NIN: variants seen among roughly 807,000 people sequenced by gnomAD.
NIN encodes glycogen synthase kinase 3 beta-interacting protein.
In NIN, 137 loss-of-function variants were observed where a neutral mutation model predicts 257.6. That is an observed-to-expected ratio of 0.53 (90% CI 0.46 to 0.61). NIN has a LOEUF of 0.61. NIN is among the 20% of genes least tolerant of loss of function. The pLI, the probability that NIN is intolerant of heterozygous loss-of-function variation, is 0.00. For missense variants in NIN, 2,439 were observed against 2,501.2 expected, an observed-to-expected ratio of 0.98 and a Z score of 0.53; for synonymous variants, 918 against 919.8, an observed-to-expected ratio of 1.00 and a Z score of 0.04.
chr14:50,756,876 T>C lies in NIN; in HGVS notation c.4154A>G (p.Glu1385Gly). The change falls in exon 18 of 31, where the codon GAG (glutamate) becomes GGG (glycine). Residue 1385 changes from glutamate (E) to glycine (G), a missense_variant. Transcript: ENST00000530997. ...GTACTGGTTTTCTTGCTTACATTCC[T>C]CTATGACATGATGTACACTCCTAAC... ...PRVRSVHHVI[E>G]ECKQENQYLE... The C allele has an allele frequency of 6.4e-7, 1 of 1,553,120 alleles. No individual in the cohort carries two copies. The highest frequency in any genetic ancestry group is 8.7e-7 in the Non-Finnish European group (1 of 1,147,456).
In NIN at chr14:50,752,699, T is replaced by C. The variant is rs1282894829; in HGVS notation, c.4769A>G (p.Asp1590Gly). The change falls in exon 21 of 31, where the codon GAT (aspartate) becomes GGT (glycine). Residue 1590 changes from aspartate (D) to glycine (G), a missense_variant. Physicochemically the swap from Asp to Gly is moderately conservative, Grantham distance 94 (BLOSUM62 -1). Transcript: ENST00000530997. The stretch of plus-strand genomic sequence containing the variant: ...TTGGCTAAGTTCTGTATTTTCCAAA[T>C]CCAATTGTTGGTTTTTGATTTTTAA... ...SELKIKNQQL[D>G]LENTELSQKN... 3 of 1,603,564 alleles carry C rather than the reference T, an allele frequency of 1.9e-6. No individual in the cohort carries two copies. Among genetic ancestry groups the C allele is most frequent in the Admixed American group, 1.7e-5 (1 of 58,968 alleles).
Position 50,757,948 on chromosome 14 carries a change from G to T in NIN, c.3082C>A (p.Pro1028Thr). The T allele has an allele frequency of 6.2e-7, 1 of 1,613,992 alleles. No individual in the cohort carries two copies. Among genetic ancestry groups the T allele is most frequent in the Non-Finnish European group, 8.5e-7 (1 of 1,180,044 alleles). The part of the protein sequence containing the change: ...KIKEMQQATS[P>T]LSMLQSGCQV... ...CAACCACTCTGAAGCATTGAGAGAG[G>T]AGATGTTGCCTGCTGCATTTCCTTT... Residue 1028 changes from proline to threonine, a missense_variant, in exon 18 of 31, where the codon CCT (proline) becomes ACT (threonine). Pro to Thr is a conservative substitution (Grantham distance 38). Coordinates refer to ENST00000530997, the MANE Select transcript of NIN (RefSeq NM_020921.4).
chr14:50,758,172 T>A lies in NIN; in HGVS notation c.2858A>T (p.Glu953Val), dbSNP rs188275661. 20 of 1,614,202 alleles carry A rather than the reference T, an allele frequency of 1.2e-5. No homozygotes were observed. In the East Asian group the frequency reaches 3.6e-4, roughly 29 times the overall value. Residue 953 changes from glutamate (E) to valine (V), a missense_variant, in exon 18 of 31, where the codon GAG (glutamate) becomes GTG (valine). By Grantham distance (121) the Glu-to-Val change is moderately radical. Coordinates refer to ENST00000530997, the MANE Select transcript of NIN (RefSeq NM_020921.4). The stretch of plus-strand genomic sequence containing the variant: ...CGAAGCCCCTGCCTGGCACAGGACC[T>A]CCTCACGCTCCCTCAGTTCCCTTTT... Reference protein sequence around the residue: ...SHKRELREREEVLCQAGASEQ... With the variant: ...SHKRELREREVVLCQAGASEQ...
chr14:50,753,478 C>T (rs1247515613), intron 20 of NIN, among the ~76,000 whole-genome samples: 1 of 152,158 alleles, frequency 6.6e-6, no homozygotes, highest in Non-Finnish European at 1.5e-5. Flanking sequence ...ATAGGATATT[C>T]CATGTAGTAA....
At chr14:50,796,656 A>G (rs1013062378) in intron 4 of NIN, among the ~76,000 whole-genome samples, 10 of 152,170 alleles carry the variant, frequency 6.6e-5, no homozygotes, top group African/African-American at 2.4e-4. Flanking sequence ...AATAAAAAGA[A>G]AGTTAAAATA....
chr14:50,727,055 G>T (rs2040441557), intron 29 of NIN, among the ~76,000 whole-genome samples: 1 of 151,900 alleles, frequency 6.6e-6, no homozygotes, highest in Admixed American at 6.6e-5. Flanking sequence ...AATTGGGCCT[G>T]GAGGACATCT....
At chr14:50,756,417 CA>C in intron 18 of NIN, 74 bp downstream of exon 18, 1 of 1,480,572 alleles carries the variant, frequency 6.8e-7, no homozygotes, top group Non-Finnish European at 9.0e-7. Flanking sequence ...TTTCTCTAGG[CA>C]CGGCAAGCAG....
intron 14 of NIN, among the ~76,000 whole-genome samples, chr14:50,764,894 T>G (rs1002921270): frequency 1.3e-5 from 2 of 151,860 alleles, no homozygotes; most frequent in African/African-American, 2.4e-5. Context: ...CGGTGATGTT[T>G]GCACAATTCT....
intron 2 of NIN, among the ~76,000 whole-genome samples, chr14:50,824,498 T>C (rs1452323327): frequency 6.6e-6 from 1 of 152,230 alleles, no homozygotes; most frequent in African/African-American, 2.4e-5. Context: ...TGGTGACAAG[T>C]TGTCAGTGCT....
chr14:50,777,064 T>G lies in NIN; in HGVS notation c.551A>C (p.Glu184Ala). ...TTCACAAACTTCTTGCAGTTTCTCT[T>G]CTATCCAGTCTTGGGGAGGGGAAGA... ...SGSSPPQDWIEEKLQEVCEDL... is the reference protein window; with the variant it reads ...SGSSPPQDWIAEKLQEVCEDL... The change falls in exon 7 of 31, where the codon GAA becomes GCA. Residue 184 changes from glutamate to alanine, a missense_variant. Transcript: ENST00000530997. 1 of 1,614,236 alleles carries G rather than the reference T, an allele frequency of 6.2e-7. No homozygotes were observed. The highest frequency in any genetic ancestry group is 1.7e-4 in the Middle Eastern group (1 of 6,060).
At chr14:50,780,317 GATAACAA>G (rs2043084059) in intron 5 of NIN, among the ~76,000 whole-genome samples, 1 of 152,172 alleles carries the variant, frequency 6.6e-6, no homozygotes. Context: ...AGCTGCCTTT[GATAACAA>G]ATAACCAGCA....
rs1330995051 is a variant in NIN, at chr14:50,776,293, T to C, written c.666+656A>G. On this transcript the variant is annotated intron_variant, in intron 7 of 30. Coordinates refer to ENST00000530997, the MANE Select transcript of NIN (RefSeq NM_020921.4). ...TTAGAAAACATAAAGCTCAGAGTTT[T>C]ACCAAAGAAGAGTCTTTTGGGGGCT... 3.9e-5 allele frequency among the ~76,000 whole-genome samples: 6 copies of C among 152,190 alleles called. No homozygotes were observed. In the South Asian group the frequency reaches 1.2e-3, roughly 32 times the overall value.
intron 5 of NIN, among the ~76,000 whole-genome samples, chr14:50,787,222 G>T (rs1185021256): frequency 1.3e-5 from 2 of 152,224 alleles, no homozygotes; most frequent in East Asian, 3.8e-4. Context: ...GAGGAAAACA[G>T]TTAACAAGGT....
chr14:50,829,685 G>T (rs1177574981), intron 2 of NIN, among the ~76,000 whole-genome samples: 2 of 152,220 alleles, frequency 1.3e-5, no homozygotes, highest in Non-Finnish European at 2.9e-5. Flanking sequence ...TATCCAAGTT[G>T]TCTGGAAACA....
In NIN at chr14:50,770,557, A is replaced by G; in HGVS notation, c.1265T>C (p.Leu422Pro). 2 of 1,612,922 alleles carry G rather than the reference A, an allele frequency of 1.2e-6. No individual in the cohort carries two copies. Among genetic ancestry groups the G allele is most frequent in the Non-Finnish European group, 1.7e-6 (2 of 1,179,708 alleles). The change falls in exon 12 of 31, where the codon CTG becomes CCG. Residue 422 changes from leucine (L) to proline (P), a missense_variant. Leu to Pro is a moderately conservative substitution (Grantham distance 98). Coordinates refer to ENST00000530997, the MANE Select transcript of NIN (RefSeq NM_020921.4). Reference sequence around the variant, plus strand: ...TATTCGCTCCTTGTACTCTTCATCCAGTTTCCTGTAACGAAGAAAAATGGA... The same window carrying G: ...TATTCGCTCCTTGTACTCTTCATCCGGTTTCCTGTAACGAAGAAAAATGGA... Reference protein sequence around the residue: ...ERRNEYNLRKLDEEYKERIAA... With the variant: ...ERRNEYNLRKPDEEYKERIAA...
Position 50,777,018 on chromosome 14 carries a change from A to T in NIN, c.597T>A (p.Asp199Glu), listed in dbSNP as rs774146320. 6 of 1,614,262 alleles carry T rather than the reference A, an allele frequency of 3.7e-6. No homozygotes were observed. The highest frequency in any genetic ancestry group is 5.1e-6 in the Non-Finnish European group (6 of 1,180,044). ...EVCEDLGITR[D>E]GHLNRKKLVS... ...CCAGCTTCTTCCGGTTCAGGTGACC[A>T]TCACGGGTGATCCCCAAATCTTCAC... The change falls in exon 7 of 31, where the codon GAT becomes GAA. Residue 199 changes from aspartate (D) to glutamate (E), a missense_variant. This residue lies in a region of NIN where 387 missense variants were observed against 427.3 expected (regional missense o/e 0.91). Transcript: ENST00000530997.
intron 2 of NIN, 40 bp from the exon 3 acceptor site, chr14:50,822,117 T>C: frequency 2.0e-6 from 3 of 1,464,054 alleles, no homozygotes; most frequent in Non-Finnish European, 2.8e-6. Flanking sequence ...TGTGGCAGCC[T>C]CTCCAGTCCT....
chr14:50,747,982 A>G lies in NIN; in HGVS notation c.5064+10T>C, dbSNP rs1441099150. 1 of 1,582,712 alleles carries G rather than the reference A, an allele frequency of 6.3e-7. No homozygotes were observed. Among genetic ancestry groups the G allele is most frequent in the Non-Finnish European group, 8.7e-7 (1 of 1,151,594 alleles). ...TTCTGTGAACCCCCCTTAGCTGCAC[A>G]CAGCCTTACCTGTTTCATTTTCTCC... On this transcript the variant is annotated intron_variant, in intron 22 of 30. Coordinates refer to ENST00000530997, the MANE Select transcript of NIN (RefSeq NM_020921.4).
At chr14:50,774,133 C>G (rs2042834893) in intron 7 of NIN, among the ~76,000 whole-genome samples, 1 of 152,220 alleles carries the variant, frequency 6.6e-6, no homozygotes, top group Non-Finnish European at 1.5e-5. Flanking sequence ...CCAGTTAAGG[C>G]CCATGCCACT....
Sources: allele counts gnomAD v4.1 joint callset (sites outside exome capture counted in the v4.1 genomes callset), GRCh38; gene constraint gnomAD v4.1.1; regional missense constraint gnomAD v4.1.1; transcripts MANE v1.5; gene names NCBI Gene and HGNC (gene_info 2026-07-23, HGNC 2026-07-21).